Variants in INPP5B observed in about 807,000 individuals in gnomAD.
The protein encoded by INPP5B is inositol polyphosphate-5-phosphatase B.
INPP5B carries 90 observed loss-of-function variants against 118.5 expected under a neutral mutation model. That is an observed-to-expected ratio of 0.76 (90% CI 0.64 to 0.90). The LOEUF (loss-of-function observed/expected upper bound fraction) is 0.90, where lower values mean the gene tolerates loss of function less well. Ranked by LOEUF, INPP5B falls within the 40% of genes least tolerant of loss-of-function variation. INPP5B has a pLI of 0.00. For missense variants in INPP5B, 984 were observed against 1,125.6 expected (o/e 0.87, Z 1.80); for synonymous variants, 385 against 418.9 (o/e 0.92, Z 0.99).
rs199558961 is a variant in INPP5B at position 37,868,510 on chromosome 1, A to G, written c.2292T>C (p.Ala764=). The change falls in exon 20 of 24, where the codon GCT becomes GCC. Residue 764 remains alanine, a synonymous_variant. Coordinates refer to ENST00000373024, the MANE Select transcript of INPP5B (RefSeq NM_005540.3). ...WMMVDYLYRN[A]VQQEDLFQQP... ...CTTAAACACAACCTACCTGCTGGACAGCATTTCGGTACAGGTAATCAACCA... is the reference window on the plus strand; with the variant it reads ...CTTAAACACAACCTACCTGCTGGACGGCATTTCGGTACAGGTAATCAACCA... 4.3e-6 allele frequency: 7 copies of G among 1,612,066 alleles called. No individual in the cohort carries two copies. The highest frequency in any genetic ancestry group is 3.3e-5 in the Admixed American group (2 of 60,002).
chr1:37,937,851 C>G (rs1645754236), intron 6 of INPP5B, among the ~76,000 whole-genome samples: 1 of 151,578 alleles, frequency 6.6e-6, no homozygotes, highest in Admixed American at 6.6e-5. Flanking sequence ...GCCTGTAATC[C>G]TAGCTACTTG....
chr1:37,863,014 C>T (rs1641789743), intron 23 of INPP5B, among the ~76,000 whole-genome samples: 1 of 152,146 alleles, frequency 6.6e-6, no homozygotes, highest in African/African-American at 2.4e-5. Context: ...CCCCAACCAC[C>T]CCGTGTCCCC....
intron 5 of INPP5B, among the ~76,000 whole-genome samples, chr1:37,941,172 A>C (rs1212791345): frequency 2.0e-5 from 3 of 152,152 alleles, no homozygotes; most frequent in African/African-American, 7.2e-5. Flanking sequence ...TGACTATGCC[A>C]GGTAGTGTGA....
chr1:37,908,596 A>G lies in INPP5B; in HGVS notation c.533-17142T>C, dbSNP rs77904241. On this transcript the variant is annotated intron_variant, in intron 7 of 23. Coordinates refer to ENST00000373024, the MANE Select transcript of INPP5B (RefSeq NM_005540.3). Reference sequence around the variant, plus strand: ...TCCAGAAAAAGGAAAAAAAAAAAAAAAGAGACAAGGAGACACATTTTATCC... The same window carrying G: ...TCCAGAAAAAGGAAAAAAAAAAAAAGAGAGACAAGGAGACACATTTTATCC... 1.6e-3 allele frequency among the ~76,000 whole-genome samples: 240 copies of G among 152,170 alleles called. 2 individuals carry two copies. The highest frequency in any genetic ancestry group is 5.1e-3 in the African/African-American group (212 of 41,550).
intron 7 of INPP5B, among the ~76,000 whole-genome samples, chr1:37,895,649 A>C (rs1475113711): frequency 1.3e-5 from 2 of 151,808 alleles, no homozygotes; most frequent in Admixed American, 1.3e-4. Flanking sequence ...AGTGCCTGCG[A>C]TTGCAGGCGC....
At position 37,938,181 on chromosome 1, in the gene INPP5B, A is replaced by T. The variant is rs1356127983; in HGVS notation, c.391+2507T>A. 2.6e-5 allele frequency among the ~76,000 whole-genome samples: 4 copies of T among 151,926 alleles called. No individual in the cohort carries two copies. The South Asian group carries it at 6.2e-4, about 24-fold the overall frequency. On this transcript the variant is annotated intron_variant, in intron 6 of 23. Transcript: ENST00000373024. ...CTACTCGGGAGGCTGAGGCAGGAGAATCACTTGAACCCAGGAGGTGGAGGT... is the reference window on the plus strand; with the variant it reads ...CTACTCGGGAGGCTGAGGCAGGAGATTCACTTGAACCCAGGAGGTGGAGGT...
intron 18 of INPP5B, among the ~76,000 whole-genome samples, chr1:37,873,593 G>T (rs767866962): frequency 1.3e-5 from 2 of 152,180 alleles, no homozygotes; most frequent in Non-Finnish European, 2.9e-5. Context: ...CATGCAGAGT[G>T]CGAAGGAGAA....
At position 37,862,486 on chromosome 1, in the gene INPP5B, C is replaced by T. The variant is rs537626909; in HGVS notation, c.2627-56G>A. 3.2e-5 allele frequency: 34 copies of T among 1,059,072 alleles called. 1 individual carries two copies. The South Asian group carries it at 3.5e-4, about 11-fold the overall frequency. The allele number at this position is 1,059,072 out of a possible 1,614,324, so 65.6% of individuals were successfully genotyped here. A position where few individuals can be genotyped will look rare whatever the true frequency, so the allele number is the denominator to read the frequency against. ...TCAGCAAAAGAAGGTACTAAAGACA[C>T]ACATCACTTAACGACAGGGATATGT... On this transcript the variant is annotated intron_variant, in intron 23 of 23. Coordinates refer to ENST00000373024, the MANE Select transcript of INPP5B (RefSeq NM_005540.3).
At chr1:37,878,884 A>T (rs950383011) in intron 15 of INPP5B, among the ~76,000 whole-genome samples, 1 of 150,840 alleles carries the variant, frequency 6.6e-6, no homozygotes, top group Non-Finnish European at 1.5e-5. Context: ...TCCTGAGCTC[A>T]GGCAATCTGC....
intron 7 of INPP5B, among the ~76,000 whole-genome samples, chr1:37,926,069 T>A (rs1645216623): frequency 6.6e-6 from 1 of 152,200 alleles, no homozygotes; most frequent in South Asian, 2.1e-4. Context: ...CAAAACAAGA[T>A]GAAAGAGAGA....
chr1:37,945,886 C>T (rs746009025), intron 2 of INPP5B, 36 bp from the exon 3 acceptor site: 39 of 1,587,504 alleles, frequency 2.5e-5, no homozygotes, highest in Middle Eastern at 3.3e-4. Context: ...AACCCAGAGG[C>T]GAGGCCTCTC....
Position 37,872,968 on chromosome 1 carries a change from G to C in INPP5B, c.2149C>G (p.Pro717Ala), listed in dbSNP as rs1642554254. ...PIHTLCYMRE[P>A]ILDLPLETIS... ...GTTTCAAGTGGTAGGTCCAAGATTG[G>C]CTCTCTCATGTAACACAGTGTATGA... Residue 717 changes from proline to alanine, a missense_variant, in exon 19 of 24, where the codon CCA becomes GCA. Around this residue, in one of 2 missense-constraint regions of INPP5B, gnomAD observed 634 missense variants for 791.0 expected, o/e 0.80. Coordinates refer to ENST00000373024, the MANE Select transcript of INPP5B (RefSeq NM_005540.3). 1 of 1,613,900 alleles carries C rather than the reference G, an allele frequency of 6.2e-7. No homozygotes were observed. Among genetic ancestry groups the C allele is most frequent in the African/African-American group, 1.3e-5 (1 of 74,890 alleles).
chr1:37,941,840 A>G (rs1424106189), intron 5 of INPP5B, among the ~76,000 whole-genome samples: 3 of 133,460 alleles, frequency 2.2e-5, no homozygotes, highest in African/African-American at 5.5e-5. Context: ...CGGGAGGCTG[A>G]GGCAGGAGAA....
intron 19 of INPP5B, chr1:37,870,086 C>A (rs1283752450): frequency 7.3e-5 from 11 of 149,670 alleles, no homozygotes; most frequent in Non-Finnish European, 1.5e-4. Flanking sequence ...TAAAAAAAAA[C>A]AAAAGAATAA....
chr1:37,931,735 T>G, intron 7 of INPP5B, 178 bp downstream of exon 7: 1 of 1,589,432 alleles, frequency 6.3e-7, no homozygotes, highest in Non-Finnish European at 8.5e-7. Context: ...TTCCTCAAGC[T>G]CCTCATCCCG....
rs200033881 is a variant in INPP5B, at chr1:37,943,819, G to A, written c.227C>T (p.Ser76Leu). 8.2e-5 allele frequency: 132 copies of A among 1,614,142 alleles called. No homozygotes were observed. Among genetic ancestry groups the A allele is most frequent in the South Asian group, 4.8e-4 (44 of 91,084 alleles). ...ACCTTCTTCCAGCGTAAAATCCCGC[G>A]AGACTGGCACTATCTGGTCCAGAGA... ...DVSLDQIVPV[S>L]RDFTLEEVSP... Residue 76 changes from serine (S) to leucine (L), a missense_variant, in exon 4 of 24, where the codon TCG becomes TTG. Ser to Leu is a moderately radical substitution (Grantham distance 145). Around this residue, in one of 2 missense-constraint regions of INPP5B, gnomAD observed 350 missense variants for 334.6 expected, o/e 1.05. Transcript: ENST00000373024.
intron 7 of INPP5B, chr1:37,929,172 T>G (rs1242438618): frequency 6.6e-6 from 1 of 151,810 alleles, no homozygotes; most frequent in Admixed American, 6.6e-5. Flanking sequence ...CAGGCTGGAG[T>G]GCAGTGGCAC....
chr1:37,876,836 C>G (rs918593989), intron 16 of INPP5B, among the ~76,000 whole-genome samples: 1 of 150,976 alleles, frequency 6.6e-6, no homozygotes, highest in African/African-American at 2.4e-5. Context: ...GCCGAGATGG[C>G]GCCACTGCAC....
At chr1:37,890,607 A>C (rs926997008) in intron 8 of INPP5B, among the ~76,000 whole-genome samples, 3 of 152,170 alleles carry the variant, frequency 2.0e-5, no homozygotes, top group Admixed American at 1.3e-4. Context: ...TATTTATATA[A>C]TAACACACCT....
Sources: allele counts gnomAD v4.1 joint callset (sites outside exome capture counted in the v4.1 genomes callset), GRCh38; gene constraint gnomAD v4.1.1; regional missense constraint gnomAD v4.1.1; transcripts MANE v1.5; gene names NCBI Gene and HGNC (gene_info 2026-07-23, HGNC 2026-07-21).